Variants in CDKN2A observed in about 807,000 individuals in gnomAD.
The protein encoded by CDKN2A is cyclin dependent kinase inhibitor 2A.
A neutral mutation model predicts 11.1 loss-of-function variants in CDKN2A; 3 were observed. The ratio of observed to expected loss-of-function variants is 0.27; its 90% CI spans 0.12 to 0.70. The LOEUF (loss-of-function observed/expected upper bound fraction) is 0.70. Ranked by LOEUF, CDKN2A falls within the 30% of genes least tolerant of loss-of-function variation. The probability of loss-of-function intolerance (pLI) is 0.77; values close to 1 mark genes in which losing one functional copy is unlikely to be tolerated. For missense variants in CDKN2A, 265 were observed against 233.6 expected (o/e 1.13, Z -0.88); for synonymous variants, 122 against 108.1 (o/e 1.13, Z -0.80).
rs564550979 is a variant in CDKN2A at position 21,992,046 on chromosome 9, G to T, written c.-4+1836C>A. On this transcript the variant is annotated intron_variant, in intron 2 of 3. Coordinates refer to the CDKN2A transcript ENST00000494262. ...AACTATGGCAATTTTTCAGGTTTCT[G>T]TGGTTAAGAAACTGGTAACGTGGAA... The T allele has an allele frequency of 6.1e-6, 6 of 981,178 alleles. No individual in the cohort carries two copies. The East Asian group carries it at 4.6e-4, about 74-fold the overall frequency. The allele number at this position is 981,178 out of a possible 1,614,324, so 60.8% of individuals were successfully genotyped here. A position where few individuals can be genotyped will look rare whatever the true frequency, so the allele number is the denominator to read the frequency against.
In CDKN2A at chr9:21,992,432, C is replaced by G. The variant is rs916615949; in HGVS notation, c.-4+1450G>C. 5.1e-6 allele frequency: 5 copies of G among 984,162 alleles called. No homozygotes were observed. The Admixed American group carries it at 3.1e-4, about 61-fold the overall frequency. The allele number at this position is 984,162 out of a possible 1,614,324, so 61.0% of individuals were successfully genotyped here. Reference sequence around the variant, plus strand: ...CCAAGCTGTGTTCTATCTTGAGAAACTTCCTGAAGATTGCGCTTTTCACAT... The same window carrying G: ...CCAAGCTGTGTTCTATCTTGAGAAAGTTCCTGAAGATTGCGCTTTTCACAT... On this transcript the variant is annotated intron_variant, in intron 2 of 3. Transcript: ENST00000494262.
At chr9:21,992,363 T>G (rs962768824) in intron 2 of CDKN2A, 2 of 948,962 alleles carry the variant, frequency 2.1e-6, no homozygotes, top group Non-Finnish European at 2.5e-6. Flanking sequence ...TATATCATTT[T>G]ACATATGAAA....
At chr9:21,983,655 C>T (rs1820243709) in intron 2 of CDKN2A, among the ~76,000 whole-genome samples, 1 of 152,000 alleles carries the variant, frequency 6.6e-6, no homozygotes, top group Non-Finnish European at 1.5e-5. Context: ...AGGAGTGGTA[C>T]ATATTGAGGA....
Position 21,974,750 on chromosome 9 carries a change from C to T in CDKN2A, c.78G>A (p.Glu26=), listed in dbSNP as rs2131113016. 1 of 1,611,286 alleles carries T rather than the reference C, an allele frequency of 6.2e-7. No individual in the cohort carries two copies. The highest frequency in any genetic ancestry group is 8.5e-7 in the Non-Finnish European group (1 of 1,179,628). The part of the protein sequence containing the change: ...LATAAARGRV[E]EVRALLEAGA... ...CCGCCTCCAGCAGCGCCCGCACCTC[C>T]TCTACCCGACCCCGGGCCGCGGCCG... The change falls in exon 1 of 3, where the codon GAG becomes GAA. Residue 26 remains glutamate, a synonymous_variant. Transcript: ENST00000304494. This position sits in a 1 kb window ranked among gnomAD's most constrained non-coding sequence, Gnocchi z 5.2.
intron 2 of CDKN2A, among the ~76,000 whole-genome samples, chr9:21,981,952 C>T (rs940767285): frequency 6.6e-6 from 1 of 152,120 alleles, no homozygotes; most frequent in African/African-American, 2.4e-5. Context: ...ACAATGTGTC[C>T]CTGGGAGTAG....
At chr9:21,992,209 GC>G (rs1307880571) in intron 2 of CDKN2A, 1 of 921,192 alleles carries the variant, frequency 1.1e-6, no homozygotes, top group Non-Finnish European at 1.3e-6. Context: ...TAGCACTTGT[GC>G]CTCTCAAGGA....
intron 2 of CDKN2A, among the ~76,000 whole-genome samples, chr9:21,985,820 T>C (rs1820286478): frequency 6.6e-6 from 1 of 151,988 alleles, no homozygotes; most frequent in African/African-American, 2.4e-5. Context: ...CCTAACACCT[T>C]GGAACATACC....
intron 2 of CDKN2A, chr9:21,993,775 T>G: frequency 3.6e-6 from 1 of 274,472 alleles, no homozygotes; most frequent in Admixed American, 5.0e-5. Flanking sequence ...AGAAAGAAAG[T>G]GTGCTTGAAA....
In CDKN2A at chr9:21,973,051, T is replaced by C. The variant is rs3731243; in HGVS notation, c.150+1627A>G. ...AAAGAGAAAGTATAAGCAAACCAAATTGCAGCTACAAAAAGAAAGACAAAA... is the reference window on the plus strand; with the variant it reads ...AAAGAGAAAGTATAAGCAAACCAAACTGCAGCTACAAAAAGAAAGACAAAA... On this transcript the variant is annotated intron_variant, in intron 1 of 2. Transcript: ENST00000304494. Among the ~76,000 whole-genome samples, 1,487 of 152,294 alleles carry C rather than the reference T, an allele frequency of 9.8e-3. 22 individuals carry two copies. The highest frequency in any genetic ancestry group is 0.032 in the African/African-American group (1,334 of 41,566).
At position 21,995,127 on chromosome 9, in the gene CDKN2A, G is replaced by A. The variant is rs1395376159; in HGVS notation, c.-482C>T. 2 of 152,196 alleles carry A rather than the reference G, an allele frequency of 1.3e-5. No individual in the cohort carries two copies. Among genetic ancestry groups the A allele is most frequent in the Non-Finnish European group, 2.9e-5 (2 of 68,048 alleles). 9.4% of individuals were successfully genotyped at this position (152,196 alleles called of 1,614,324 possible). Reference sequence around the variant, plus strand: ...CTGGACACGGCGCGGCGCTGGCGCTGCCGGAGCTGTCGACCCGGCCTGGCG... The same window carrying A: ...CTGGACACGGCGCGGCGCTGGCGCTACCGGAGCTGTCGACCCGGCCTGGCG... On this transcript the variant is annotated 5_prime_UTR_variant, in exon 1 of 4. Coordinates refer to the CDKN2A transcript ENST00000494262. The surrounding 1 kb of genome is among the most constrained non-coding windows in gnomAD (Gnocchi z 5.7).
intron 2 of CDKN2A, chr9:21,992,558 A>G (rs938512111): frequency 1.7e-5 from 8 of 465,276 alleles, no homozygotes; most frequent in African/African-American, 1.7e-4. Flanking sequence ...ACATTAACAT[A>G]CTATAAAATA....
At chr9:21,994,040 C>G (rs1587357980) in exon 2 of CDKN2A, 2 of 1,365,558 alleles carry the variant, frequency 1.5e-6, no homozygotes, top group East Asian at 4.9e-5. Context: ...ATCTCCTCCT[C>G]CTCCTAGCCT....
intron 2 of CDKN2A, chr9:21,969,795 T>C: frequency 3.5e-6 from 1 of 284,128 alleles, no homozygotes; most frequent in Non-Finnish European, 6.3e-6. Flanking sequence ...TAGCTGTAAC[T>C]GGAGGGAATT....
At chr9:21,992,137 TA>T (rs1563901016) in intron 2 of CDKN2A, 1 of 816,302 alleles carries the variant, frequency 1.2e-6, no homozygotes, top group Non-Finnish European at 1.5e-6. Flanking sequence ...TGCAGAAACT[TA>T]AAAAAAGTTA....
intron 1 of CDKN2A, 154 bp from the exon 2 acceptor site, chr9:21,971,362 T>C: frequency 6.7e-7 from 1 of 1,491,704 alleles, no homozygotes; most frequent in Non-Finnish European, 8.9e-7. Context: ...AATTTCCTTC[T>C]TGAGTTCTCT....
chr9:21,990,651 A>AGAGAG (rs1464228871), intron 2 of CDKN2A, among the ~76,000 whole-genome samples: 11 of 147,808 alleles, frequency 7.4e-5, no homozygotes, highest in Non-Finnish European at 1.0e-4. Context: ...AGAGAGAGAG[A>AGAGAG]AACTGTTTAC....
intron 1 of CDKN2A, among the ~76,000 whole-genome samples, chr9:21,973,596 C>T (rs1375346945): frequency 6.6e-6 from 1 of 152,134 alleles, no homozygotes; most frequent in South Asian, 2.1e-4. Context: ...TTTAAATCCT[C>T]CCCTAACTCC....
chr9:21,994,145 T>G lies in CDKN2A; in HGVS notation c.-175-92A>C, dbSNP rs1190780216. 6.2e-7 allele frequency: 1 copy of G among 1,601,282 alleles called. No homozygotes were observed. On this transcript the variant is annotated intron_variant, in intron 1 of 3. Transcript: ENST00000494262. Reference sequence around the variant, plus strand: ...TTTCGAGGGCCTTTCCTACCTGGTCTTCTAGGAAGCGGCTGCTGCCCTAGA... The same window carrying G: ...TTTCGAGGGCCTTTCCTACCTGGTCGTCTAGGAAGCGGCTGCTGCCCTAGA...
chr9:21,970,766 C>A, intron 2 of CDKN2A, 136 bp downstream of exon 2: 2 of 1,096,522 alleles, frequency 1.8e-6, no homozygotes, highest in Non-Finnish European at 2.7e-6. Context: ...GAGACTCAGG[C>A]CGTCCCACCG....
Sources: allele counts gnomAD v4.1 joint callset (sites outside exome capture counted in the v4.1 genomes callset), GRCh38; gene constraint gnomAD v4.1.1; non-coding constraint Gnocchi (gnomAD v3.1); transcripts MANE v1.5; gene names NCBI Gene and HGNC (gene_info 2026-07-23, HGNC 2026-07-21).